BMAL1: variants seen among roughly 807,000 people sequenced by gnomAD.
BMAL1 encodes the protein basic helix-loop-helix ARNT-like protein 1.
the BMAL1 span, among the ~76,000 whole-genome samples, chr11:13,294,915 G>A: frequency 6.6e-6 from 1 of 152,210 alleles, no homozygotes. Flanking sequence ...CAGTGTTCTT[G>A]TAGACTGAAG....
the BMAL1 span, among the ~76,000 whole-genome samples, chr11:13,327,815 A>G: frequency 6.6e-6 from 1 of 151,602 alleles, no homozygotes; most frequent in Admixed American, 6.6e-5. Context: ...GTCTGAAGAA[A>G]TTTATAGACT....
chr11:13,341,213 G>A, the BMAL1 span, among the ~76,000 whole-genome samples: 4 of 152,130 alleles, frequency 2.6e-5, no homozygotes, highest in East Asian at 1.9e-4. Flanking sequence ...CTGGAGACAC[G>A]CCCACTGCCT....
the BMAL1 span, chr11:13,354,207 A>AACCCCCACC: frequency 4.9e-6 from 1 of 205,816 alleles, no homozygotes; most frequent in Non-Finnish European, 7.6e-6. Context: ...CCGGCCCCCC[A>AACCCCCACC]CCACCAAACC....
chr11:13,278,010 G>C, the BMAL1 span: 9 of 151,534 alleles, frequency 5.9e-5, no homozygotes, highest in Non-Finnish European at 5.9e-5. Flanking sequence ...CTGCGCCCCT[G>C]CCGCCGCCCC....
At chr11:13,358,072 A>G in the BMAL1 span, among the ~76,000 whole-genome samples, 3 of 152,320 alleles carry the variant, frequency 2.0e-5, no homozygotes, top group East Asian at 1.9e-4. Flanking sequence ...GCTCTGTGCT[A>G]TGAAGCCACC....
At chr11:13,379,400 G>A in the BMAL1 span, 1 of 152,168 alleles carries the variant, frequency 6.6e-6, no homozygotes, top group East Asian at 1.9e-4. Context: ...TAAAGGGGCT[G>A]TTATCCCCCT....
chr11:13,311,544 G>T, the BMAL1 span, among the ~76,000 whole-genome samples: 1 of 152,192 alleles, frequency 6.6e-6, no homozygotes, highest in Non-Finnish European at 1.5e-5. Context: ...GAAGGATAAA[G>T]AATTGAGATG....
the BMAL1 span, among the ~76,000 whole-genome samples, chr11:13,358,227 TA>T: frequency 2.6e-5 from 4 of 152,222 alleles, no homozygotes; most frequent in African/African-American, 9.6e-5. Context: ...AAAGATGAGG[TA>T]AACATAAAAA....
the BMAL1 span, among the ~76,000 whole-genome samples, chr11:13,306,089 C>G: frequency 6.6e-6 from 1 of 152,098 alleles, no homozygotes; most frequent in Admixed American, 6.5e-5. Context: ...TTTCATTGTT[C>G]TTAGCAGGTG....
chr11:13,297,999 A>G, the BMAL1 span, among the ~76,000 whole-genome samples: 8 of 152,320 alleles, frequency 5.3e-5, no homozygotes, highest in Admixed American at 5.2e-4. Context: ...TCCTCTCCAC[A>G]GTAGCTTCCT....
chr11:13,300,820 G>T, the BMAL1 span, among the ~76,000 whole-genome samples: 18 of 152,210 alleles, frequency 1.2e-4, no homozygotes, highest in Non-Finnish European at 1.0e-4. Context: ...GAAATAACTA[G>T]AATGAAATTG....
the BMAL1 span, among the ~76,000 whole-genome samples, chr11:13,345,236 A>C: frequency 6.6e-6 from 1 of 152,214 alleles, no homozygotes; most frequent in Non-Finnish European, 1.5e-5. Flanking sequence ...CATTTTAAAA[A>C]GGGGGAAGTC....
chr11:13,380,546 G>C, the BMAL1 span: 1 of 152,234 alleles, frequency 6.6e-6, no homozygotes, highest in African/African-American at 2.4e-5. Flanking sequence ...AGATATGCTA[G>C]ATAAGAAAGG....
the BMAL1 span, among the ~76,000 whole-genome samples, chr11:13,298,159 T>G: frequency 6.6e-6 from 1 of 152,208 alleles, no homozygotes; most frequent in African/African-American, 2.4e-5. Context: ...GGCACTCACT[T>G]CCTCCCCAAC....
the BMAL1 span, chr11:13,277,796 G>A: frequency 6.6e-6 from 1 of 152,538 alleles, no homozygotes; most frequent in African/African-American, 2.4e-5. Flanking sequence ...GGTTAGTGGT[G>A]CGACATTTAG....
chr11:13,381,218 G>A, the BMAL1 span: 7 of 1,614,122 alleles, frequency 4.3e-6, no homozygotes, highest in African/African-American at 2.7e-5. Flanking sequence ...TCACGAGTAC[G>A]CCTCCCCCTG....
At chr11:13,329,523 T>C in the BMAL1 span, among the ~76,000 whole-genome samples, 31 of 151,208 alleles carry the variant, frequency 2.1e-4, no homozygotes, top group Non-Finnish European at 2.7e-4. Flanking sequence ...AGGTGGGGGG[T>C]GATTAGTTTC....
the BMAL1 span, among the ~76,000 whole-genome samples, chr11:13,361,371 G>A: frequency 1.7e-4 from 25 of 151,504 alleles, no homozygotes; most frequent in African/African-American, 6.1e-4. Flanking sequence ...CTTGTAGATT[G>A]TAAACAGATG....
At chr11:13,349,688 T>C in the BMAL1 span, among the ~76,000 whole-genome samples, 2 of 152,206 alleles carry the variant, frequency 1.3e-5, no homozygotes, top group African/African-American at 4.8e-5. Flanking sequence ...TTTGAAGGCA[T>C]TGTTTTTCAC....
Sources: allele counts gnomAD v4.1 joint callset (sites outside exome capture counted in the v4.1 genomes callset), GRCh38; gene constraint gnomAD v4.1.1; transcripts MANE v1.5; gene names NCBI Gene and HGNC (gene_info 2026-07-23, HGNC 2026-07-21).